Variants in OTUD7A observed in about 807,000 individuals in gnomAD.
OTUD7A encodes the protein OTU deubiquitinase 7A, also known as OTU domain-containing protein 7A.
Under a neutral mutation model 65.7 loss-of-function variants are expected in OTUD7A, and 12 were observed. The ratio of observed to expected loss-of-function variants is 0.18; its 90% CI spans 0.12 to 0.30. The LOEUF (loss-of-function observed/expected upper bound fraction) is 0.30, where lower values mean the gene tolerates loss of function less well. OTUD7A is among the 10% of genes least tolerant of loss of function. The pLI, the probability that OTUD7A is intolerant of heterozygous loss-of-function variation, is 1.00. For synonymous variants in OTUD7A, 641 were observed against 586.3 expected, an observed-to-expected ratio of 1.09 and a Z score of -1.35; for missense variants, 1,148 against 1,304.8, an observed-to-expected ratio of 0.88 and a Z score of 1.85.
At chr15:31,680,037 T>C (rs1892677568) in intron 1 of OTUD7A, among the ~76,000 whole-genome samples, 1 of 152,156 alleles carries the variant, frequency 6.6e-6, no homozygotes, top group African/African-American at 2.4e-5. Context: ...ACCTTAGTCA[T>C]AATGATGAAA....
intron 3 of OTUD7A, among the ~76,000 whole-genome samples, chr15:31,595,998 T>C (rs894515801): frequency 3.9e-5 from 6 of 152,240 alleles, no homozygotes; most frequent in African/African-American, 1.4e-4. Flanking sequence ...CCCTGTGTCT[T>C]CCTCTTTTGC....
At chr15:31,766,189 C>A (rs978600562) in intron 1 of OTUD7A, 1 of 1,502,522 alleles carries the variant, frequency 6.7e-7, no homozygotes, top group Non-Finnish European at 9.3e-7. Flanking sequence ...GCAAGAAGCT[C>A]ATCAAGGTCC....
chr15:31,501,035 C>G (rs1453609993), intron 10 of OTUD7A, among the ~76,000 whole-genome samples: 1 of 152,272 alleles, frequency 6.6e-6, no homozygotes, highest in Non-Finnish European at 1.5e-5. Flanking sequence ...AGTGCACAGC[C>G]TGTGGGCTGG....
chr15:31,568,223 G>A (rs1888937788), intron 4 of OTUD7A, among the ~76,000 whole-genome samples: 1 of 152,276 alleles, frequency 6.6e-6, no homozygotes, highest in Non-Finnish European at 1.5e-5. Context: ...AGCCACAGGG[G>A]CAGAGCTGCC....
chr15:31,748,000 A>G (rs558273840), intron 1 of OTUD7A, among the ~76,000 whole-genome samples: 7 of 152,204 alleles, frequency 4.6e-5, no homozygotes, highest in Non-Finnish European at 1.0e-4. Context: ...AAATCAAGAA[A>G]GAGAAAGGCT....
rs1595542042 is a variant in OTUD7A at position 31,476,469 on chromosome 15, G to A, written c.*6825C>T. The A allele has an allele frequency of 1.3e-5, 2 of 152,336 alleles. No individual in the cohort carries two copies. The highest frequency in any genetic ancestry group is 2.9e-5 in the Non-Finnish European group (2 of 68,122). 9.4% of individuals were successfully genotyped at this position (152,336 alleles called of 1,614,324 possible). On this transcript the variant is annotated 3_prime_UTR_variant, in exon 13 of 13. Transcript: ENST00000307050. Reference sequence around the variant, plus strand: ...GAGACCTTCACGGACACCTGCCATGGAGAAAGTTTGCATGGGCCAAGGGGG... The same window carrying A: ...GAGACCTTCACGGACACCTGCCATGAAGAAAGTTTGCATGGGCCAAGGGGG...
chr15:31,846,925 C>A lies in OTUD7A; in HGVS notation c.-100+23582G>T, dbSNP rs189316599. On this transcript the variant is annotated intron_variant, in intron 1 of 12. Transcript: ENST00000307050. ...GAAAGAATAAGCAGATGACACAATG[C>A]CAAGGGCAGCAAGATTTAGGATAGA... 8.2e-3 allele frequency among the ~76,000 whole-genome samples: 1,243 copies of A among 152,276 alleles called. 21 individuals carry two copies. The highest frequency in any genetic ancestry group is 8.8e-3 in the Non-Finnish European group (598 of 68,022).
intron 3 of OTUD7A, among the ~76,000 whole-genome samples, chr15:31,587,769 C>G (rs1033362789): frequency 6.6e-6 from 1 of 152,186 alleles, no homozygotes; most frequent in Non-Finnish European, 1.5e-5. Flanking sequence ...AATCTGGCCC[C>G]GGGCACCAAG....
At chr15:31,798,578 C>T (rs894624054) in intron 1 of OTUD7A, among the ~76,000 whole-genome samples, 24 of 152,204 alleles carry the variant, frequency 1.6e-4, no homozygotes, top group Non-Finnish European at 3.1e-4. Flanking sequence ...CAGTGAATTT[C>T]CCCTGCATGC....
chr15:31,673,868 TTC>T (rs573434388), intron 1 of OTUD7A, among the ~76,000 whole-genome samples: 1 of 152,364 alleles, frequency 6.6e-6, no homozygotes, highest in South Asian at 2.1e-4. Context: ...TGCCTCCTTC[TTC>T]TCTCTGTGAA....
At chr15:31,547,895 C>G (rs1003965644) in intron 5 of OTUD7A, among the ~76,000 whole-genome samples, 13 of 152,168 alleles carry the variant, frequency 8.5e-5, no homozygotes, top group African/African-American at 3.1e-4. Context: ...TCAGCTTAAA[C>G]TAACTCTGTT....
chr15:31,663,935 A>G (rs1337114070), intron 1 of OTUD7A, among the ~76,000 whole-genome samples: 1 of 152,166 alleles, frequency 6.6e-6, no homozygotes, highest in East Asian at 1.9e-4. Context: ...TTGGTTTTCC[A>G]TTCCTGAGTT....
intron 1 of OTUD7A, among the ~76,000 whole-genome samples, chr15:31,796,142 C>CGTGTCT: frequency 6.8e-6 from 1 of 148,134 alleles, no homozygotes; most frequent in East Asian, 2.0e-4. Context: ...GTAAGGGGTG[C>CGTGTCT]GTGTGTGTGT....
rs1483710507 is a variant in OTUD7A at position 31,477,808 on chromosome 15, T to C, written c.*5486A>G. The C allele has an allele frequency of 7.3e-6, 1 of 136,594 alleles. No individual in the cohort carries two copies. The highest frequency in any genetic ancestry group is 1.5e-5 in the Non-Finnish European group (1 of 64,730). 8.5% of individuals were successfully genotyped at this position (136,594 alleles called of 1,614,324 possible). A position where few individuals can be genotyped will look rare whatever the true frequency, so the allele number is the denominator to read the frequency against. ...TCTATGGGAGATGGGGAGGCGAGAA[T>C]CAAATAAATGGATGAATGATTAACA... On this transcript the variant is annotated 3_prime_UTR_variant, in exon 13 of 13. Coordinates refer to ENST00000307050, the MANE Select transcript of OTUD7A (RefSeq NM_001382637.1).
intron 1 of OTUD7A, among the ~76,000 whole-genome samples, chr15:31,860,075 G>A (rs1213536595): frequency 6.6e-6 from 1 of 152,024 alleles, no homozygotes; most frequent in Admixed American, 6.6e-5. Context: ...ACATATCCAT[G>A]TGACCTTCCA....
rs547877529 is a variant in OTUD7A, at chr15:31,778,315, C to T, written c.-100+92192G>A. On this transcript the variant is annotated intron_variant, in intron 1 of 12. Transcript: ENST00000307050. The stretch of plus-strand genomic sequence containing the variant: ...CAGGTAAAACCATGGAGAGAGACAA[C>T]AGGTGAGGAGAAATATACCATGGGG... 1.6e-4 allele frequency among the ~76,000 whole-genome samples: 24 copies of T among 152,222 alleles called. No individual in the cohort carries two copies. In the East Asian group the frequency reaches 4.6e-3, roughly 29 times the overall value.
At chr15:31,618,598 T>C (rs1890670736) in intron 3 of OTUD7A, among the ~76,000 whole-genome samples, 1 of 152,242 alleles carries the variant, frequency 6.6e-6, no homozygotes, top group South Asian at 2.1e-4. Flanking sequence ...CGTCTGTTCA[T>C]ATCCTTTGCC....
At chr15:31,671,635 C>T (rs1892486512) in intron 1 of OTUD7A, among the ~76,000 whole-genome samples, 1 of 152,166 alleles carries the variant, frequency 6.6e-6, no homozygotes, top group Non-Finnish European at 1.5e-5. Context: ...AATACTGAAC[C>T]TAACTCATGT....
intron 8 of OTUD7A, among the ~76,000 whole-genome samples, chr15:31,506,511 T>C (rs2041571213): frequency 6.6e-6 from 1 of 152,194 alleles, no homozygotes; most frequent in Non-Finnish European, 1.5e-5. Context: ...GAATTTTTTT[T>C]GGCCTGCGGT....
Sources: allele counts gnomAD v4.1 joint callset (sites outside exome capture counted in the v4.1 genomes callset), GRCh38; gene constraint gnomAD v4.1.1; transcripts MANE v1.5; gene names NCBI Gene and HGNC (gene_info 2026-07-23, HGNC 2026-07-21).